TEAD1: variants seen among roughly 807,000 people sequenced by gnomAD.
The protein encoded by TEAD1 is TEA domain transcription factor 1, also known as transcriptional enhancer factor TEF-1.
TEAD1 carries 9 observed loss-of-function variants against 54.9 expected under a neutral mutation model. That is an observed-to-expected ratio of 0.16 (90% CI 0.10 to 0.29). The LOEUF is 0.29. Ranked by LOEUF, TEAD1 falls within the 10% of genes least tolerant of loss-of-function variation. TEAD1 has a pLI of 1.00. For synonymous variants in TEAD1, 200 were observed against 187.8 expected (o/e 1.07, Z -0.53); for missense variants, 387 against 535.9 (o/e 0.72, Z 2.74).
At chr11:12,913,422 A>T (rs1530177) in intron 10 of TEAD1, among the ~76,000 whole-genome samples, 137,896 of 152,328 alleles carry the variant, frequency 0.91, 62,917 homozygotes, top group Middle Eastern at 0.97. Context: ...TTTTAGACTT[A>T]TACGTATGTA....
rs751212191 is a variant in TEAD1, at chr11:12,908,887, T to TTTGTTTTTTGTTTTTTGG, written c.873+6776_873+6777insGTTTTTTGTTTTTTGGTT. Among the ~76,000 whole-genome samples, 379 of 104,542 alleles carry TTTGTTTTTTGTTTTTTGG rather than the reference T, an allele frequency of 3.6e-3. 7 individuals are homozygous for TTTGTTTTTTGTTTTTTGG. Among genetic ancestry groups the TTTGTTTTTTGTTTTTTGG allele is most frequent in the Admixed American group, 6.1e-3 (67 of 10,984 alleles). 68.6% of individuals were successfully genotyped at this position (104,542 alleles called of 152,430 possible). A position where few individuals can be genotyped will look rare whatever the true frequency, so the allele number is the denominator to read the frequency against. On this transcript the variant is annotated intron_variant, in intron 10 of 12. Transcript: ENST00000527636. The stretch of plus-strand genomic sequence containing the variant: ...TCAGTATACTTCAAATTATCTGTTT[T>TTTGTTTTTTGTTTTTTGG]TTTTTTTTTGAGACAGTGTTGCTCT...
chr11:12,771,799 T>A (rs1188978236), intron 3 of TEAD1, among the ~76,000 whole-genome samples: 1 of 152,168 alleles, frequency 6.6e-6, no homozygotes, highest in Non-Finnish European at 1.5e-5. Flanking sequence ...AGGGCAAAAC[T>A]GGCATGGATA....
At chr11:12,705,049 C>T (rs930050427) in intron 2 of TEAD1, among the ~76,000 whole-genome samples, 7 of 152,162 alleles carry the variant, frequency 4.6e-5, no homozygotes, top group Non-Finnish European at 8.8e-5. Flanking sequence ...GAAAGAGACT[C>T]CATCCTCTGG....
intron 3 of TEAD1, among the ~76,000 whole-genome samples, chr11:12,816,500 C>T (rs369696523): frequency 2.6e-5 from 4 of 152,316 alleles, no homozygotes; most frequent in South Asian, 2.1e-4. Flanking sequence ...GTGGCTTACA[C>T]GCCCCAGGTA....
intron 3 of TEAD1, among the ~76,000 whole-genome samples, chr11:12,780,665 A>C (rs1298020627): frequency 6.6e-6 from 1 of 152,202 alleles, no homozygotes; most frequent in African/African-American, 2.4e-5. Flanking sequence ...AGCAAAAAAC[A>C]TTTACCTCCA....
chr11:12,826,639 A>G (rs987536647), intron 3 of TEAD1, among the ~76,000 whole-genome samples: 2 of 152,192 alleles, frequency 1.3e-5, no homozygotes, highest in African/African-American at 4.8e-5. Flanking sequence ...TCAGTTACTT[A>G]ACTCCATCAA....
At chr11:12,749,982 G>A (rs1944833546) in intron 2 of TEAD1, among the ~76,000 whole-genome samples, 1 of 152,144 alleles carries the variant, frequency 6.6e-6, no homozygotes, top group Non-Finnish European at 1.5e-5. Context: ...TGAGAGACCT[G>A]TTTTGCATCT....
chr11:12,689,742 C>G (rs1427776991), intron 2 of TEAD1, among the ~76,000 whole-genome samples: 2 of 152,088 alleles, frequency 1.3e-5, no homozygotes, highest in African/African-American at 2.4e-5. Context: ...AATTGAACCC[C>G]TGTGCACCCA....
At chr11:12,840,666 TC>T (rs2134033478) in intron 3 of TEAD1, among the ~76,000 whole-genome samples, 1 of 152,278 alleles carries the variant, frequency 6.6e-6, no homozygotes, top group South Asian at 2.1e-4. Flanking sequence ...AGATCTTCTC[TC>T]GAGGCTGAAG....
At chr11:12,737,475 T>C (rs935640388) in intron 2 of TEAD1, among the ~76,000 whole-genome samples, 4 of 152,196 alleles carry the variant, frequency 2.6e-5, no homozygotes, top group African/African-American at 7.2e-5. Flanking sequence ...CAAGCAAGTG[T>C]GTGTCCTCTA....
intron 12 of TEAD1, among the ~76,000 whole-genome samples, chr11:12,936,511 A>C (rs966222456): frequency 6.6e-6 from 1 of 152,210 alleles, no homozygotes; most frequent in South Asian, 2.1e-4. Context: ...GCTATTGTGA[A>C]ACAAGATTTA....
intron 3 of TEAD1, among the ~76,000 whole-genome samples, chr11:12,853,878 A>G (rs560462308): frequency 5.3e-4 from 80 of 152,310 alleles, no homozygotes; most frequent in Admixed American, 2.7e-3. Context: ...GGGATATGAG[A>G]TAGAAGTTCT....
intron 5 of TEAD1, among the ~76,000 whole-genome samples, chr11:12,874,824 A>G (rs932730207): frequency 1.3e-5 from 2 of 152,126 alleles, no homozygotes; most frequent in South Asian, 4.1e-4. Context: ...GTTGGGGTTC[A>G]GTTGGAAAAG....
intron 6 of TEAD1, 102 bp from the exon 7 acceptor site, chr11:12,880,903 T>G (rs1337452370): frequency 5.3e-6 from 7 of 1,312,236 alleles, no homozygotes; most frequent in Non-Finnish European, 7.7e-6. Context: ...TGTTGGGTGA[T>G]CGAACCTGCT....
chr11:12,765,786 C>T (rs1945194512), intron 3 of TEAD1, among the ~76,000 whole-genome samples: 1 of 152,182 alleles, frequency 6.6e-6, no homozygotes, highest in East Asian at 1.9e-4. Flanking sequence ...CCTTTGTAGC[C>T]AGGGAAGCCT....
intron 3 of TEAD1, among the ~76,000 whole-genome samples, chr11:12,835,476 AT>A (rs397971557): frequency 0.048 from 6,646 of 139,614 alleles, 148 homozygotes; most frequent in Non-Finnish European, 0.061. Flanking sequence ...CACCCGGCTA[AT>A]TTTTTTTTTT....
At chr11:12,695,522 C>A (rs957952235) in intron 2 of TEAD1, among the ~76,000 whole-genome samples, 1 of 152,100 alleles carries the variant, frequency 6.6e-6, no homozygotes, top group Non-Finnish European at 1.5e-5. Context: ...CGTCTCTAGA[C>A]CAAGTTGTTC....
At position 12,936,073 on chromosome 11, in the gene TEAD1, A is replaced by G. The variant is rs187847612; in HGVS notation, c.1168-1036A>G. 2.9e-4 allele frequency among the ~76,000 whole-genome samples: 44 copies of G among 152,332 alleles called. No homozygotes were observed. The East Asian group carries it at 5.6e-3, about 19-fold the overall frequency. ...ACTGGAAGAGGCTCTCAAGTTCAAAATGTTTTCATTCAAACAATGCTTTGG... is the reference window on the plus strand; with the variant it reads ...ACTGGAAGAGGCTCTCAAGTTCAAAGTGTTTTCATTCAAACAATGCTTTGG... On this transcript the variant is annotated intron_variant, in intron 12 of 12. Coordinates refer to ENST00000527636, the MANE Select transcript of TEAD1 (RefSeq NM_021961.6).
At chr11:12,694,212 C>T (rs1943527247) in intron 2 of TEAD1, among the ~76,000 whole-genome samples, 1 of 152,118 alleles carries the variant, frequency 6.6e-6, no homozygotes, top group African/African-American at 2.4e-5. Context: ...CGACACTAGG[C>T]AGAAAGCTCT....
Sources: gnomAD v4.1 joint callset for allele counts (sites outside exome capture counted in the v4.1 genomes callset) on GRCh38, gnomAD v4.1.1 for gene constraint, MANE v1.5 for transcripts, NCBI Gene and HGNC (gene_info 2026-07-23, HGNC 2026-07-21) for gene names.